MIPOL1: variants seen among roughly 807,000 people sequenced by gnomAD.
MIPOL1 encodes mirror-image polydactyly 1.
Under a neutral mutation model 60.9 loss-of-function variants are expected in MIPOL1, and 57 were observed. The ratio of observed to expected loss-of-function variants is 0.94; its 90% CI spans 0.76 to 1.17. The LOEUF is 1.17. Among genes scored for constraint, MIPOL1 ranks in the 50% most tolerant of loss-of-function variants. The pLI, the probability that MIPOL1 is intolerant of heterozygous loss-of-function variation, is 0.00. For missense variants in MIPOL1, 551 were observed against 511.6 expected (o/e 1.08, Z -0.74); for synonymous variants, 179 against 168.8 (o/e 1.06, Z -0.47).
chr14:37,371,342 A>G (rs767990677), intron 10 of MIPOL1, among the ~76,000 whole-genome samples: 1 of 152,120 alleles, frequency 6.6e-6, no homozygotes, highest in Non-Finnish European at 1.5e-5. Flanking sequence ...CTGGAAATAG[A>G]TAAGTTGAAA....
intron 3 of MIPOL1, among the ~76,000 whole-genome samples, chr14:37,264,218 A>C (rs1312186967): frequency 1.3e-5 from 2 of 152,162 alleles, no homozygotes; most frequent in African/African-American, 4.8e-5. Flanking sequence ...TGGGCTATGA[A>C]TAAGGTAAAG....
intron 11 of MIPOL1, among the ~76,000 whole-genome samples, chr14:37,472,745 C>G (rs2094707491): frequency 6.6e-6 from 1 of 152,058 alleles, no homozygotes; most frequent in Non-Finnish European, 1.5e-5. Flanking sequence ...TTATGTTACC[C>G]TCTGAAGCAA....
rs2095408913 is a variant in MIPOL1 at position 37,520,932 on chromosome 14, T to TA, written c.1262+20794_1262+20795insA. Among the ~76,000 whole-genome samples the TA allele has an allele frequency of 2.2e-5, 3 of 138,758 alleles. No individual in the cohort carries two copies. The South Asian group carries it at 7.1e-4, about 33-fold the overall frequency. The allele number at this position is 138,758 out of a possible 152,430, so 91.0% of individuals were successfully genotyped here. The stretch of plus-strand genomic sequence containing the variant: ...TGGAATTCTTAACATTTTACTTTTT[T>TA]TTTTTTTTTTTTTTTTTTTTTTAAG... On this transcript the variant is annotated intron_variant, in intron 12 of 12. Coordinates refer to ENST00000684589, the MANE Select transcript of MIPOL1 (RefSeq NM_001388067.1).
chr14:37,305,575 A>G (rs2153431900), intron 7 of MIPOL1, among the ~76,000 whole-genome samples: 1 of 151,870 alleles, frequency 6.6e-6, no homozygotes, highest in African/African-American at 2.4e-5. Flanking sequence ...TATATAATCT[A>G]CTTGAGACTA....
At chr14:37,446,962 A>G (rs2094346054) in intron 11 of MIPOL1, among the ~76,000 whole-genome samples, 1 of 152,030 alleles carries the variant, frequency 6.6e-6, no homozygotes, top group African/African-American at 2.4e-5. Flanking sequence ...ATTAGGAGAT[A>G]TACCTAATGC....
chr14:37,346,290 A>G lies in MIPOL1; in HGVS notation c.829-23227A>G, dbSNP rs540675729. ...GTTATAGTGAGCTGAGATCGTGCCAATGCACTGCAGCCTGGGTGACACAGT... is the reference window on the plus strand; with the variant it reads ...GTTATAGTGAGCTGAGATCGTGCCAGTGCACTGCAGCCTGGGTGACACAGT... On this transcript the variant is annotated intron_variant, in intron 9 of 12. Transcript: ENST00000684589. 3.9e-5 allele frequency among the ~76,000 whole-genome samples: 6 copies of G among 152,224 alleles called. No homozygotes were observed. In the East Asian group the frequency reaches 1.2e-3, roughly 29 times the overall value.
intron 10 of MIPOL1, among the ~76,000 whole-genome samples, chr14:37,414,867 A>G (rs1678457566): frequency 6.6e-6 from 1 of 152,104 alleles, no homozygotes; most frequent in African/African-American, 2.4e-5. Flanking sequence ...TGTCTTAAAA[A>G]CACACTTGTA....
At chr14:37,497,829 CAAATTGGTACAACTAATTTGGAAG>C (rs1447342035) in intron 11 of MIPOL1, among the ~76,000 whole-genome samples, 4 of 152,134 alleles carry the variant, frequency 2.6e-5, no homozygotes, top group Non-Finnish European at 5.9e-5. Context: ...GATGGGAGTA[CAAATTGGTACAACTAATTTGGAAG>C]ACTATTAGCA....
chr14:37,440,385 A>G (rs950713324), intron 11 of MIPOL1, among the ~76,000 whole-genome samples: 1 of 152,168 alleles, frequency 6.6e-6, no homozygotes, highest in Non-Finnish European at 1.5e-5. Flanking sequence ...AATAATGTAC[A>G]TTGTAGCCAT....
chr14:37,395,037 T>C (rs2093344364), intron 10 of MIPOL1, among the ~76,000 whole-genome samples: 1 of 152,140 alleles, frequency 6.6e-6, no homozygotes, highest in Non-Finnish European at 1.5e-5. Flanking sequence ...TTCCCCACTT[T>C]GTTTTTGTTT....
chr14:37,544,760 G>A lies in MIPOL1; in HGVS notation c.1263-2145G>A, dbSNP rs887180339. ...GAGATCAGGTTTTCATAAATCATTC[G>A]ACCTGGATAAATTGAGATTGTAGTT... On this transcript the variant is annotated intron_variant, in intron 12 of 12. Coordinates refer to ENST00000684589, the MANE Select transcript of MIPOL1 (RefSeq NM_001388067.1). Among the ~76,000 whole-genome samples, 4 of 152,102 alleles carry A rather than the reference G, an allele frequency of 2.6e-5. No individual in the cohort carries two copies. The East Asian group carries it at 5.8e-4, about 22-fold the overall frequency.
At chr14:37,220,253 A>G (rs977512166) in intron 1 of MIPOL1, among the ~76,000 whole-genome samples, 8 of 152,034 alleles carry the variant, frequency 5.3e-5, no homozygotes, top group African/African-American at 1.9e-4. Context: ...ATTTTTTTGA[A>G]TTTGAATGCT....
chr14:37,216,922 A>G (rs1398982431), intron 1 of MIPOL1, among the ~76,000 whole-genome samples: 2 of 152,200 alleles, frequency 1.3e-5, no homozygotes, highest in African/African-American at 4.8e-5. Context: ...GAGGAAAAGA[A>G]TAAAGATCTG....
chr14:37,488,804 T>C (rs2094995249), intron 11 of MIPOL1, among the ~76,000 whole-genome samples: 1 of 152,184 alleles, frequency 6.6e-6, no homozygotes, highest in Admixed American at 6.5e-5. Flanking sequence ...TCCCGAGAGA[T>C]CTGCTGTTAG....
intron 11 of MIPOL1, among the ~76,000 whole-genome samples, chr14:37,425,921 G>A (rs1037676299): frequency 6.6e-6 from 1 of 152,174 alleles, no homozygotes. Context: ...AGTTTTCTGT[G>A]AATTGAAGAG....
chr14:37,521,905 TATATA>T (rs1380636516), intron 12 of MIPOL1, among the ~76,000 whole-genome samples: 1 of 19,518 alleles, frequency 5.1e-5, no homozygotes, highest in South Asian at 2.1e-3. Flanking sequence ...TATATATATA[TATATA>T]TTTTTTTTTT....
intron 6 of MIPOL1, among the ~76,000 whole-genome samples, chr14:37,282,470 T>C (rs2084192664): frequency 6.6e-6 from 1 of 151,814 alleles, no homozygotes; most frequent in Non-Finnish European, 1.5e-5. Context: ...CCCAGCATGG[T>C]AGCTCACACC....
intron 1 of MIPOL1, among the ~76,000 whole-genome samples, chr14:37,235,972 G>C (rs1475035729): frequency 6.6e-6 from 1 of 151,588 alleles, no homozygotes; most frequent in East Asian, 1.9e-4. Flanking sequence ...TGTCACCTAG[G>C]CTAGAGTGCA....
intron 12 of MIPOL1, among the ~76,000 whole-genome samples, chr14:37,512,554 C>G (rs1022757631): frequency 6.7e-6 from 1 of 150,300 alleles, no homozygotes; most frequent in African/African-American, 2.4e-5. Flanking sequence ...CTCCAGAATC[C>G]GATTTTATCC....
Sources: allele counts gnomAD v4.1 joint callset (sites outside exome capture counted in the v4.1 genomes callset), GRCh38; gene constraint gnomAD v4.1.1; transcripts MANE v1.5; gene names NCBI Gene and HGNC (gene_info 2026-07-23, HGNC 2026-07-21).